The following SETD4 variants were observed in gnomAD, a reference collection of about 807,000 sequenced individuals.
SETD4 encodes the protein SET domain containing 4, also known as SET domain-containing protein 4.
Under a neutral mutation model 58.3 loss-of-function variants are expected in SETD4, and 46 were observed. The ratio of observed to expected loss-of-function variants is 0.79; its 90% CI spans 0.62 to 1.01. The LOEUF (loss-of-function observed/expected upper bound fraction) is 1.01. SETD4 is among the 50% of genes least tolerant of loss of function. The pLI is 0.00. For synonymous variants in SETD4, 190 were observed against 202.6 expected, an observed-to-expected ratio of 0.94 and a Z score of 0.53; for missense variants, 490 against 523.3, an observed-to-expected ratio of 0.94 and a Z score of 0.62.
At chr21:36,037,604 C>G (rs377001780) in intron 10 of SETD4, among the ~76,000 whole-genome samples, 2 of 62,744 alleles carry the variant, frequency 3.2e-5, no homozygotes, top group Non-Finnish European at 6.6e-5. Flanking sequence ...GACTCTGTCT[C>G]AAAAAAAAAA....
intron 8 of SETD4, 139 bp downstream of exon 8, chr21:36,041,668 C>T: frequency 1.6e-6 from 1 of 608,100 alleles, no homozygotes; most frequent in South Asian, 1.8e-5. Flanking sequence ...AGTTTTACTG[C>T]ACATAGTAAG....
chr21:36,048,478 C>T (rs1348057653), intron 4 of SETD4, 82 bp from the exon 5 acceptor site: 2 of 1,210,906 alleles, frequency 1.7e-6, no homozygotes, highest in African/African-American at 3.0e-5. Flanking sequence ...GTCGTTGATC[C>T]CACAATCACC....
intron 4 of SETD4, chr21:36,051,461 G>A: frequency 1.4e-6 from 2 of 1,386,148 alleles, no homozygotes; most frequent in Non-Finnish European, 1.9e-6. Context: ...TTGCAATGCT[G>A]TTCATGGAGG....
chr21:36,038,377 C>T lies in SETD4; in HGVS notation c.1065-104G>A, dbSNP rs2063883771. 6 of 1,343,480 alleles carry T rather than the reference C, an allele frequency of 4.5e-6. No individual in the cohort carries two copies. In the East Asian group the frequency reaches 1.4e-4, roughly 31 times the overall value. The allele number at this position is 1,343,480 out of a possible 1,614,324, so 83.2% of individuals were successfully genotyped here. A position where few individuals can be genotyped will look rare whatever the true frequency, so the allele number is the denominator to read the frequency against. ...ACTCCTTCTCCTATTTCTCCAGGAG[C>T]ATAATACAACTCATTCCATAAGCAG... is the stretch of plus-strand genomic sequence containing the variant. On this transcript the variant is annotated intron_variant, in intron 9 of 11. Coordinates refer to ENST00000332131, the MANE Select transcript of SETD4 (RefSeq NM_017438.5).
Position 36,059,850 on chromosome 21 carries a change from G to T in SETD4, c.-37+497C>A, listed in dbSNP as rs2065200359. 5.1e-6 allele frequency: 5 copies of T among 985,396 alleles called. No individual in the cohort carries two copies. In the Admixed American group the frequency reaches 3.1e-4, roughly 61 times the overall value. 61.0% of individuals were successfully genotyped at this position (985,396 alleles called of 1,614,324 possible). A position where few individuals can be genotyped will look rare whatever the true frequency, so the allele number is the denominator to read the frequency against. Reference sequence around the variant, plus strand: ...ACGAAAGTCGGCATGTCCAGCTCCAGAGGCGAACGGCGGCTGGTTCGGTGC... The same window carrying T: ...ACGAAAGTCGGCATGTCCAGCTCCATAGGCGAACGGCGGCTGGTTCGGTGC... On this transcript the variant is annotated intron_variant, in intron 1 of 11. Transcript: ENST00000332131.
rs142154743 is a variant in SETD4 at position 36,048,805 on chromosome 21, C to T, written c.208-409G>A. On this transcript the variant is annotated intron_variant, in intron 4 of 11. Coordinates refer to ENST00000332131, the MANE Select transcript of SETD4 (RefSeq NM_017438.5). ...TGATCTCAGCTCACTGCAACCTCCA[C>T]CTCCCAGGTTCAAGCGATTCTCCTG... Among the ~76,000 whole-genome samples, 1,095 of 151,334 alleles carry T rather than the reference C, an allele frequency of 7.2e-3. 17 individuals are homozygous for T. Among genetic ancestry groups the T allele is most frequent in the African/African-American group, 0.025 (1,041 of 41,170 alleles).
chr21:36,037,909 T>G (rs999544052), intron 10 of SETD4, among the ~76,000 whole-genome samples: 12 of 152,018 alleles, frequency 7.9e-5, no homozygotes, highest in Non-Finnish European at 1.3e-4. Flanking sequence ...GGCAGGAGGA[T>G]CGCTTGAACC....
At position 36,060,053 on chromosome 21, in the gene SETD4, C is replaced by T. The variant is rs1411187537; in HGVS notation, c.-37+294G>A. 8.1e-6 allele frequency: 8 copies of T among 985,520 alleles called. No individual in the cohort carries two copies. In the South Asian group the frequency reaches 3.8e-4, roughly 46 times the overall value. 61.0% of individuals were successfully genotyped at this position (985,520 alleles called of 1,614,324 possible). A position where few individuals can be genotyped will look rare whatever the true frequency, so the allele number is the denominator to read the frequency against. ...AAACTCTAGCCGTGAGGCCGTCCTA[C>T]GGTCCGACACACACCGCTCCCGCAG... is the stretch of plus-strand genomic sequence containing the variant. On this transcript the variant is annotated intron_variant, in intron 1 of 11. Coordinates refer to ENST00000332131, the MANE Select transcript of SETD4 (RefSeq NM_017438.5).
chr21:36,058,157 G>A (rs975075575), intron 2 of SETD4, among the ~76,000 whole-genome samples: 1 of 152,138 alleles, frequency 6.6e-6, no homozygotes, highest in Non-Finnish European at 1.5e-5. Context: ...TTCCCACCAG[G>A]ATCTAAAAGA....
intron 2 of SETD4, among the ~76,000 whole-genome samples, chr21:36,057,841 G>T (rs1299236542): frequency 6.6e-6 from 1 of 152,182 alleles, no homozygotes; most frequent in Non-Finnish European, 1.5e-5. Flanking sequence ...ATCAGTGGAA[G>T]AAGATAGTCT....
In SETD4 at chr21:36,035,357, C is replaced by G. The variant is rs2123484103; in HGVS notation, c.*636G>C. On this transcript the variant is annotated 3_prime_UTR_variant, in exon 12 of 12. Transcript: ENST00000332131. ...CCAGCTGTGCAGGATGAGCCAGCTC[C>G]CCAGGTGGAAAGGCCTGCCCAGGAA... 6.5e-6 allele frequency: 1 copy of G among 152,678 alleles called. No individual in the cohort carries two copies. The highest frequency in any genetic ancestry group is 2.4e-5 in the African/African-American group (1 of 41,592). 9.5% of individuals were successfully genotyped at this position (152,678 alleles called of 1,614,324 possible).
At chr21:36,059,557 A>G (rs112523342) in intron 1 of SETD4, 19,756 of 192,794 alleles carry the variant, frequency 0.1, 1,213 homozygotes, top group East Asian at 0.21. Flanking sequence ...GCGTGGTGGC[A>G]GGCACCTGTA....
intron 9 of SETD4, among the ~76,000 whole-genome samples, chr21:36,038,604 G>GCT (rs1016810428): frequency 7.2e-5 from 11 of 152,216 alleles, no homozygotes; most frequent in Admixed American, 6.5e-4. Context: ...CGAAGCCAGT[G>GCT]ACAGAACAGG....
intron 4 of SETD4, chr21:36,051,518 T>C (rs1476086601): frequency 7.9e-7 from 1 of 1,269,262 alleles, no homozygotes; most frequent in East Asian, 2.6e-5. Flanking sequence ...TTGGAGAGAG[T>C]GGGAGATAGA....
At position 36,060,185 on chromosome 21, in the gene SETD4, G is replaced by C. The variant is rs535572956; in HGVS notation, c.-37+162C>G. On this transcript the variant is annotated intron_variant, in intron 1 of 11. Coordinates refer to ENST00000332131, the MANE Select transcript of SETD4 (RefSeq NM_017438.5). ...AGTGTAGGACTCCACAAGATGAGAG[G>C]TTACTGCAGCGCACACGATAATGCC... 1,027 of 949,538 alleles carry C rather than the reference G, an allele frequency of 1.1e-3. 1 individual carries two copies. Among genetic ancestry groups the C allele is most frequent in the Non-Finnish European group, 1.2e-3 (987 of 797,054 alleles). 58.8% of individuals were successfully genotyped at this position (949,538 alleles called of 1,614,324 possible).
Position 36,045,792 on chromosome 21 carries a change from G to A in SETD4, c.516C>T (p.Ser172=). The A allele has an allele frequency of 3.1e-6, 5 of 1,614,192 alleles. No homozygotes were observed. The highest frequency in any genetic ancestry group is 4.2e-6 in the Non-Finnish European group (5 of 1,180,038). ...GCAGAGAAGAGAAAAAGTCTCTGGA[G>A]GAAGCAAAGAACTCCTGCACGTGGG... is the stretch of plus-strand genomic sequence containing the variant. ...QRAHVQEFFA[S]SRDFFSSLQP... is the part of the protein sequence containing the mutation. Residue 172 remains serine, a synonymous_variant, in exon 6 of 12, where the codon TCC becomes TCT. Coordinates refer to ENST00000332131, the MANE Select transcript of SETD4 (RefSeq NM_017438.5).
chr21:36,049,503 C>T (rs974896959), intron 4 of SETD4, among the ~76,000 whole-genome samples: 1 of 151,978 alleles, frequency 6.6e-6, no homozygotes, highest in Non-Finnish European at 1.5e-5. Context: ...GGCAGTGAGC[C>T]GAGATTGCGC....
chr21:36,052,383 C>T lies in SETD4; in HGVS notation c.207+1200G>A, dbSNP rs546040781. Among the ~76,000 whole-genome samples the T allele has an allele frequency of 5.1e-4, 67 of 131,136 alleles. 1 individual carries two copies. The highest frequency in any genetic ancestry group is 1.9e-3 in the African/African-American group (65 of 33,414). The allele number at this position is 131,136 out of a possible 152,430, so 86.0% of individuals were successfully genotyped here. ...CCAAGATGGTGAAACCCTGTCTCTA[C>T]TAAAAAAAAAAAAAAAAAAAAAAAT... On this transcript the variant is annotated intron_variant, in intron 4 of 11. Transcript: ENST00000332131.
chr21:36,058,254 C>T (rs2065085656), intron 2 of SETD4, among the ~76,000 whole-genome samples: 1 of 152,128 alleles, frequency 6.6e-6, no homozygotes, highest in Admixed American at 6.5e-5. Context: ...AATCCCAGTG[C>T]TTTGGGGAGG....
Sources: gnomAD v4.1 joint callset for allele counts (sites outside exome capture counted in the v4.1 genomes callset) on GRCh38, gnomAD v4.1.1 for gene constraint, MANE v1.5 for transcripts, NCBI Gene and HGNC (gene_info 2026-07-23, HGNC 2026-07-21) for gene names.